The following SNRPG variants were observed in gnomAD, a reference collection of about 807,000 sequenced individuals.
SNRPG encodes the protein small nuclear ribonucleoprotein G.
Under a neutral mutation model 13.9 loss-of-function variants are expected in SNRPG, and 3 were observed. The ratio of observed to expected loss-of-function variants is 0.22; its 90% CI spans 0.10 to 0.56. The LOEUF is 0.56. Among genes scored for constraint, SNRPG ranks in the 20% least tolerant of loss-of-function variants. The pLI is 0.93. For missense variants in SNRPG, 34 were observed against 96.1 expected, an observed-to-expected ratio of 0.35 and a Z score of 2.70; for synonymous variants, 29 against 29.3, an observed-to-expected ratio of 0.99 and a Z score of 0.03.
intron 3 of SNRPG, among the ~76,000 whole-genome samples, chr2:70,283,680 A>C (rs905523113): frequency 5.9e-5 from 9 of 152,234 alleles, no homozygotes; most frequent in Non-Finnish European, 5.9e-5. Context: ...ACAGAATAGA[A>C]GGGAACACAA....
chr2:70,290,193 A>G (rs867743469), intron 1 of SNRPG, among the ~76,000 whole-genome samples: 2 of 152,074 alleles, frequency 1.3e-5, no homozygotes, highest in Non-Finnish European at 2.9e-5. Context: ...CACAAGAGAA[A>G]AACAAAGACT....
chr2:70,292,946 T>C (rs574245560), intron 1 of SNRPG: 16 of 579,504 alleles, frequency 2.8e-5, no homozygotes, highest in African/African-American at 1.1e-4. Flanking sequence ...CTACTTAAAG[T>C]TGTTTGACTT....
At chr2:70,293,490 G>A (rs922218370) in intron 1 of SNRPG, 128 bp downstream of exon 1, 6 of 884,576 alleles carry the variant, frequency 6.8e-6, no homozygotes, top group African/African-American at 6.6e-5. Flanking sequence ...CCGGGATCCC[G>A]GCGACCTCGG....
At chr2:70,292,869 A>G (rs1397856958) in intron 1 of SNRPG, 2 of 446,270 alleles carry the variant, frequency 4.5e-6, no homozygotes, top group East Asian at 3.6e-5. Flanking sequence ...TAACCTGTTA[A>G]GTCCACTCAA....
chr2:70,288,506 G>A (rs1311865929), intron 2 of SNRPG, among the ~76,000 whole-genome samples: 2 of 152,094 alleles, frequency 1.3e-5, no homozygotes, highest in Admixed American at 6.6e-5. Flanking sequence ...GGATCCTCCC[G>A]CTTTGGCCTC....
intron 3 of SNRPG, among the ~76,000 whole-genome samples, chr2:70,282,327 T>C (rs1194225564): frequency 6.6e-6 from 1 of 152,104 alleles, no homozygotes; most frequent in East Asian, 1.9e-4. Context: ...TAGGTACAGT[T>C]TGGAGGTATG....
intron 1 of SNRPG, chr2:70,292,980 C>T: frequency 1.7e-6 from 1 of 591,908 alleles, no homozygotes; most frequent in South Asian, 2.1e-5. Context: ...GAAAAAACTT[C>T]AAAAAATTAG....
chr2:70,284,961 G>C (rs1696903171), intron 3 of SNRPG, among the ~76,000 whole-genome samples: 1 of 152,194 alleles, frequency 6.6e-6, no homozygotes, highest in African/African-American at 2.4e-5. Flanking sequence ...ACCTCATACT[G>C]TCCCTGGATG....
intron 2 of SNRPG, among the ~76,000 whole-genome samples, chr2:70,288,686 C>G (rs1005272255): frequency 2.6e-5 from 4 of 152,160 alleles, no homozygotes; most frequent in African/African-American, 9.7e-5. Context: ...CTGTGTGGGT[C>G]AGATTTTTAG....
At chr2:70,281,771 A>T in intron 3 of SNRPG, 87 bp from the exon 4 acceptor site, 15 of 737,178 alleles carry the variant, frequency 2.0e-5, no homozygotes, top group East Asian at 5.5e-5. Context: ...CAAATCATTA[A>T]TGGTTTTTTA....
At position 70,283,096 on chromosome 2, in the gene SNRPG, CAA is replaced by C. The variant is rs57862220; in HGVS notation, c.181-1414_181-1413del. On this transcript the variant is annotated intron_variant, in intron 3 of 3. Transcript: ENST00000272348. Reference sequence around the variant, plus strand: ...GGCAACGAGCGAAACTGTCTTTTGTCAAAAAAAAAAAAAAAAAAAAAAAAAAA... The same window carrying C: ...GGCAACGAGCGAAACTGTCTTTTGTCAAAAAAAAAAAAAAAAAAAAAAAAA... Among the ~76,000 whole-genome samples the C allele has an allele frequency of 9.3e-3, 131 of 14,040 alleles. 4 individuals are homozygous for C. The highest frequency in any genetic ancestry group is 0.033 in the African/African-American group (98 of 2,938). 9.2% of individuals were successfully genotyped at this position (14,040 alleles called of 152,430 possible).
At chr2:70,293,002 T>C in intron 1 of SNRPG, 1 of 613,422 alleles carries the variant, frequency 1.6e-6, no homozygotes, top group Non-Finnish European at 2.9e-6. Context: ...CTTCTCTGAC[T>C]AGAAAAAATT....
At chr2:70,283,104 A>AC (rs2104909129) in intron 3 of SNRPG, among the ~76,000 whole-genome samples, 1 of 144,008 alleles carries the variant, frequency 6.9e-6, no homozygotes, top group South Asian at 2.2e-4. Context: ...GTCAAAAAAA[A>AC]AAAAAAAAAA....
chr2:70,283,027 G>A lies in SNRPG; in HGVS notation c.181-1343C>T, dbSNP rs548597806. On this transcript the variant is annotated intron_variant, in intron 3 of 3. Coordinates refer to ENST00000272348, the MANE Select transcript of SNRPG (RefSeq NM_003096.4). Reference sequence around the variant, plus strand: ...GAGAAATCACTTGAACCCGGGAGGCGGAGGTTGCGGTAAGCCAAGATAGCG... The same window carrying A: ...GAGAAATCACTTGAACCCGGGAGGCAGAGGTTGCGGTAAGCCAAGATAGCG... 6.9e-5 allele frequency among the ~76,000 whole-genome samples: 10 copies of A among 145,484 alleles called. No individual in the cohort carries two copies. In the East Asian group the frequency reaches 1.6e-3, roughly 23 times the overall value.
chr2:70,286,842 A>T (rs1415455738), intron 3 of SNRPG, among the ~76,000 whole-genome samples: 1 of 152,218 alleles, frequency 6.6e-6, no homozygotes, highest in Non-Finnish European at 1.5e-5. Context: ...AAGGAACTAA[A>T]AACCTAATCT....
chr2:70,293,135 A>G (rs969963491), intron 1 of SNRPG: 2 of 702,326 alleles, frequency 2.8e-6, no homozygotes, highest in African/African-American at 3.5e-5. Context: ...GTTTCTAAGT[A>G]AAAGCTCAAA....
chr2:70,291,755 C>G (rs749551696), intron 1 of SNRPG, among the ~76,000 whole-genome samples: 2 of 151,794 alleles, frequency 1.3e-5, no homozygotes, highest in Non-Finnish European at 2.9e-5. Flanking sequence ...TAGCTTCCTT[C>G]TCTGAAATTT....
At chr2:70,288,043 AGAG>A (rs780939142) in intron 3 of SNRPG, 22 bp downstream of exon 3, 1 of 1,608,922 alleles carries the variant, frequency 6.2e-7, no homozygotes, top group East Asian at 2.2e-5. Flanking sequence ...GAAATCTCCA[AGAG>A]AACTCTTGTA....
intron 3 of SNRPG, chr2:70,287,367 T>C (rs929755246): frequency 1.4e-6 from 1 of 701,606 alleles, no homozygotes; most frequent in Non-Finnish European, 2.6e-6. Context: ...ATTAGGTATG[T>C]TGTCCTGTGT....
Sources: allele counts gnomAD v4.1 joint callset (sites outside exome capture counted in the v4.1 genomes callset), GRCh38; gene constraint gnomAD v4.1.1; transcripts MANE v1.5; gene names NCBI Gene and HGNC (gene_info 2026-07-23, HGNC 2026-07-21).